The following P2RY8 variants were observed in gnomAD, a reference collection of about 807,000 sequenced individuals.
The protein encoded by P2RY8 is P2Y receptor family member 8.
Under a neutral mutation model 10.0 loss-of-function variants are expected in P2RY8, and 6 were observed. That is an observed-to-expected ratio of 0.60 (90% CI 0.33 to 1.19). The LOEUF (loss-of-function observed/expected upper bound fraction) is 1.19, where lower values mean the gene tolerates loss of function less well. Ranked by LOEUF, P2RY8 falls within the 50% of genes most tolerant of loss-of-function variation. The pLI is 0.04. For synonymous variants in P2RY8, 276 were observed against 252.5 expected (o/e 1.09, Z -0.88); for missense variants, 456 against 542.0 (o/e 0.84, Z 1.58).
chrX:1,477,951 C>T lies in P2RY8; in HGVS notation c.-24-11369G>A, dbSNP rs1268303425. ...TTAGTGACCAGCTGTGGATGAAGAG[C>T]GATTCCTTAAAATGCCTGCACGTGC... On this transcript the variant is annotated intron_variant, in intron 1 of 1. Transcript: ENST00000381297. 2.6e-5 allele frequency among the ~76,000 whole-genome samples: 4 copies of T among 152,098 alleles called. 1 individual carries two copies. The highest frequency in any genetic ancestry group is 4.1e-4 in the South Asian group (2 of 4,820).
intron 1 of P2RY8, among the ~76,000 whole-genome samples, chrX:1,532,223 G>A (rs1485503295): frequency 2.6e-5 from 4 of 151,870 alleles, no homozygotes; most frequent in Admixed American, 2.0e-4. Flanking sequence ...GGTGGATAAA[G>A]AAACTGTGGT....
rs1296501050 is a variant in P2RY8, at chrX:1,464,310, C to A, written c.*1169G>T. The A allele has an allele frequency of 4.3e-6, 1 of 233,308 alleles. No homozygotes were observed. The highest frequency in any genetic ancestry group is 8.5e-6 in the Non-Finnish European group (1 of 118,204). The allele number at this position is 233,308 out of a possible 1,614,324, so 14.5% of individuals were successfully genotyped here. A position where few individuals can be genotyped will look rare whatever the true frequency, so the allele number is the denominator to read the frequency against. On this transcript the variant is annotated 3_prime_UTR_variant, in exon 2 of 2. Transcript: ENST00000381297. ...TGTTGGGGCTGGTGCAGGCACATGC[C>A]GTGTAGAAGAAGACAGACAAAGACC...
Position 1,466,436 on chromosome X carries a change from G to A in P2RY8, c.123C>T (p.Asn41=), listed in dbSNP as rs1237554113. 3 of 1,612,832 alleles carry A rather than the reference G, an allele frequency of 1.9e-6. No individual in the cohort carries two copies. The highest frequency in any genetic ancestry group is 2.7e-5 in the African/African-American group (2 of 74,894). ...GGCACAGCACCCACAGAGAGAAGAG[G>A]TTGCCCGGGATGCTGACCGCCGCCA... ...SLVAAVSIPG[N]LFSLWVLCRR... The change falls in exon 2 of 2, where the codon AAC becomes AAT. Residue 41 remains asparagine, a synonymous_variant. Coordinates refer to ENST00000381297, the MANE Select transcript of P2RY8 (RefSeq NM_178129.5).
chrX:1,505,272 G>A (rs2092221789), intron 1 of P2RY8, among the ~76,000 whole-genome samples: 1 of 152,186 alleles, frequency 6.6e-6, no homozygotes, highest in Non-Finnish European at 1.5e-5. Flanking sequence ...CACAAAAACG[G>A]ATGAGACTGT....
intron 1 of P2RY8, among the ~76,000 whole-genome samples, chrX:1,526,442 C>T (rs755276302): frequency 3.8e-4 from 57 of 151,016 alleles, no homozygotes; most frequent in Non-Finnish European, 7.0e-4. Context: ...TTCATTCATT[C>T]GCTCATTTAT....
rs747878512 is a variant in P2RY8 at position 1,465,566 on chromosome X, C to T, written c.993G>A (p.Thr331=). 6.2e-7 allele frequency: 1 copy of T among 1,612,742 alleles called. No individual in the cohort carries two copies. The highest frequency in any genetic ancestry group is 1.1e-5 in the South Asian group (1 of 91,058). Residue 331 remains threonine, a synonymous_variant, in exon 2 of 2, where the codon ACG becomes ACA. Transcript: ENST00000381297. ...GCGCACCGGCCTCGGAGCGCACGGA[C>T]GTGGTCCTGGCGGAGAAGAGGCTCT... ...RRESLFSART[T]SVRSEAGAHP...
intron 1 of P2RY8, among the ~76,000 whole-genome samples, chrX:1,523,026 A>G (rs1338906794): frequency 6.9e-6 from 1 of 145,426 alleles, no homozygotes; most frequent in Non-Finnish European, 1.5e-5. Flanking sequence ...CCGAGATTGC[A>G]CTACTGCACT....
intron 1 of P2RY8, among the ~76,000 whole-genome samples, chrX:1,525,133 A>T (rs1159507438): frequency 6.6e-6 from 1 of 152,216 alleles, no homozygotes; most frequent in Admixed American, 6.5e-5. Context: ...TGGTGCAATA[A>T]ATCCTCTCTC....
At chrX:1,527,211 A>G (rs1299612215) in intron 1 of P2RY8, among the ~76,000 whole-genome samples, 1 of 151,932 alleles carries the variant, frequency 6.6e-6, no homozygotes, top group Non-Finnish European at 1.5e-5. Context: ...TTCATTTCTT[A>G]TCCATCCACC....
intron 1 of P2RY8, among the ~76,000 whole-genome samples, chrX:1,513,464 A>T (rs1231157046): frequency 7.0e-6 from 1 of 143,010 alleles, no homozygotes; most frequent in African/African-American, 2.6e-5. Context: ...GGCTCCAGGC[A>T]TCCCTGGGCT....
chrX:1,475,693 A>T (rs1324116272), intron 1 of P2RY8, among the ~76,000 whole-genome samples: 1 of 152,204 alleles, frequency 6.6e-6, no homozygotes, highest in Non-Finnish European at 1.5e-5. Context: ...GATAAGAGAA[A>T]GAAATGAGGA....
At chrX:1,481,375 GC>G (rs2091933158) in intron 1 of P2RY8, among the ~76,000 whole-genome samples, 2 of 152,158 alleles carry the variant, frequency 1.3e-5, no homozygotes. Flanking sequence ...TGTTAGCCGG[GC>G]TGGTCTTGAA....
intron 1 of P2RY8, among the ~76,000 whole-genome samples, chrX:1,522,317 G>T (rs762181228): frequency 1.3e-5 from 2 of 151,676 alleles, no homozygotes; most frequent in South Asian, 4.2e-4. Context: ...CATTGTAAAC[G>T]GAATACCTCA....
intron 1 of P2RY8, among the ~76,000 whole-genome samples, chrX:1,486,762 C>G (rs1293804268): frequency 1.3e-5 from 2 of 152,230 alleles, no homozygotes; most frequent in Non-Finnish European, 2.9e-5. Flanking sequence ...GCAGGAAGGA[C>G]ATTCCTCAGG....
At chrX:1,487,053 C>G (rs1251693513) in intron 1 of P2RY8, among the ~76,000 whole-genome samples, 1 of 152,226 alleles carries the variant, frequency 6.6e-6, no homozygotes, top group Non-Finnish European at 1.5e-5. Context: ...ACCGGGGTGT[C>G]TGGGGCCGGC....
At chrX:1,517,548 G>A (rs2092360459) in intron 1 of P2RY8, among the ~76,000 whole-genome samples, 1 of 152,194 alleles carries the variant, frequency 6.6e-6, no homozygotes, top group Non-Finnish European at 1.5e-5. Context: ...GAAGTCATCT[G>A]AGGGCTCTGA....
At chrX:1,509,554 A>G (rs1408148029) in intron 1 of P2RY8, among the ~76,000 whole-genome samples, 28 of 119,928 alleles carry the variant, frequency 2.3e-4, no homozygotes, top group Admixed American at 2.2e-3. Context: ...CATCTATTCT[A>G]TCATCTATGT....
In P2RY8 at chrX:1,464,082, G is replaced by A. The variant is rs150711662; in HGVS notation, c.*1397C>T. 1,346 of 233,230 alleles carry A rather than the reference G, an allele frequency of 5.8e-3. 13 individuals carry two copies. The highest frequency in any genetic ancestry group is 0.024 in the Middle Eastern group (19 of 786). The allele number at this position is 233,230 out of a possible 1,614,324, so 14.4% of individuals were successfully genotyped here. On this transcript the variant is annotated 3_prime_UTR_variant, in exon 2 of 2. Coordinates refer to ENST00000381297, the MANE Select transcript of P2RY8 (RefSeq NM_178129.5). ...AACAGCAGCTTCAGCCTCCATCAGC[G>A]TCCCCAGTGCACAGAAAGGGAGGGG...
chrX:1,524,809 C>CCATTCATCCATCCACT (rs2092428008), intron 1 of P2RY8, among the ~76,000 whole-genome samples: 1 of 6,132 alleles, frequency 1.6e-4, no homozygotes, highest in African/African-American at 3.8e-4. Context: ...ATCCACTCAT[C>CCATTCATCCATCCACT]CATCCATCCA....
Sources: allele counts gnomAD v4.1 joint callset (sites outside exome capture counted in the v4.1 genomes callset), GRCh38; gene constraint gnomAD v4.1.1; transcripts MANE v1.5; gene names NCBI Gene and HGNC (gene_info 2026-07-23, HGNC 2026-07-21).